GLIS3: variants seen among roughly 807,000 people sequenced by gnomAD.
The protein encoded by GLIS3 is GLIS family zinc finger 3, also known as zinc finger protein GLIS3.
In GLIS3, 53 loss-of-function variants were observed where a neutral mutation model predicts 78.6. That is an observed-to-expected ratio of 0.67 (90% confidence interval 0.54 to 0.85). The LOEUF is 0.85. Among genes scored for constraint, GLIS3 ranks in the 40% least tolerant of loss-of-function variants. GLIS3 has a pLI of 0.00. For synonymous variants in GLIS3, 684 were observed against 509.9 expected, an observed-to-expected ratio of 1.34 and a Z score of -4.60; for missense variants, 1,703 against 1,231.1, an observed-to-expected ratio of 1.38 and a Z score of -5.74.
At chr9:4,345,575 G>A (rs1184435560) in intron 2 of GLIS3, among the ~76,000 whole-genome samples, 1 of 152,152 alleles carries the variant, frequency 6.6e-6, no homozygotes, top group Non-Finnish European at 1.5e-5. Flanking sequence ...GGAAGAAACA[G>A]GTTCCATGTA....
At chr9:4,330,074 G>A (rs758884707) in intron 2 of GLIS3, among the ~76,000 whole-genome samples, 1 of 152,208 alleles carries the variant, frequency 6.6e-6, no homozygotes, top group Non-Finnish European at 1.5e-5. Context: ...CATCAGGAAT[G>A]CAAATACACA....
the GLIS3 span, among the ~76,000 whole-genome samples, chr9:4,416,256 A>T: frequency 6.9e-6 from 1 of 145,636 alleles, no homozygotes; most frequent in Non-Finnish European, 1.5e-5. Context: ...TGTTTTTAAA[A>T]AAAAAAAAAA....
At chr9:3,995,435 C>G (rs1820665012) in intron 4 of GLIS3, among the ~76,000 whole-genome samples, 2 of 151,980 alleles carry the variant, frequency 1.3e-5, no homozygotes, top group Admixed American at 1.3e-4. Context: ...CTAAAAACTA[C>G]TACCGTGAAT....
intron 2 of GLIS3, among the ~76,000 whole-genome samples, chr9:4,327,501 C>G (rs1175970233): frequency 6.6e-6 from 1 of 152,134 alleles, no homozygotes; most frequent in African/African-American, 2.4e-5. Context: ...GGAGACCAGA[C>G]AGATTCAAGT....
chr9:4,316,280 C>T (rs1817435809), intron 2 of GLIS3, among the ~76,000 whole-genome samples: 1 of 152,186 alleles, frequency 6.6e-6, no homozygotes, highest in African/African-American at 2.4e-5. Context: ...GCTCACATAA[C>T]CCCTTCACAG....
At chr9:3,879,321 A>G (rs1821561742) in intron 8 of GLIS3, 106 bp downstream of exon 8, 6 of 1,105,894 alleles carry the variant, frequency 5.4e-6, no homozygotes, top group Admixed American at 3.4e-5. Context: ...GGGTAACTCA[A>G]CCCACCAACG....
intron 4 of GLIS3, among the ~76,000 whole-genome samples, chr9:4,111,100 A>G (rs6476807): frequency 0.23 from 35,004 of 152,150 alleles, 4,157 homozygotes; most frequent in Admixed American, 0.29. Context: ...ATCTATATAC[A>G]AACAAATCTC....
chr9:4,255,438 C>T (rs1824833235), intron 2 of GLIS3, among the ~76,000 whole-genome samples: 1 of 152,150 alleles, frequency 6.6e-6, no homozygotes, highest in Admixed American at 6.5e-5. Context: ...CAACTTTATT[C>T]ACAGTTGGCA....
intron 7 of GLIS3, among the ~76,000 whole-genome samples, chr9:3,896,848 AT>A (rs1822880235): frequency 6.6e-6 from 1 of 152,086 alleles, no homozygotes; most frequent in Admixed American, 6.5e-5. Flanking sequence ...CAACTTAGGT[AT>A]CCTTGCCCCT....
At chr9:4,030,550 T>C (rs1271934366) in intron 4 of GLIS3, among the ~76,000 whole-genome samples, 7 of 152,204 alleles carry the variant, frequency 4.6e-5, no homozygotes, top group Non-Finnish European at 7.3e-5. Context: ...CCATGTTTTC[T>C]TGTAGTAGTT....
upstream of GLIS3, among the ~76,000 whole-genome samples, chr9:4,348,743 T>A (rs559478046): frequency 1.3e-5 from 2 of 152,080 alleles, no homozygotes; most frequent in South Asian, 4.2e-4. Context: ...TTTAGAGGAA[T>A]CTTATTCAAA....
chr9:4,331,754 G>C (rs371523737), intron 2 of GLIS3, among the ~76,000 whole-genome samples: 37 of 152,334 alleles, frequency 2.4e-4, no homozygotes, highest in African/African-American at 8.9e-4. Context: ...AATGTCTAAG[G>C]TGAGACCTGA....
intron 7 of GLIS3, among the ~76,000 whole-genome samples, chr9:3,880,821 C>A (rs963677912): frequency 1.3e-5 from 2 of 152,166 alleles, no homozygotes; most frequent in African/African-American, 2.4e-5. Flanking sequence ...TTACCATCTT[C>A]CCGCTCAAAA....
At chr9:4,458,870 A>T in the GLIS3 span, among the ~76,000 whole-genome samples, 1 of 152,168 alleles carries the variant, frequency 6.6e-6, no homozygotes, top group African/African-American at 2.4e-5. Flanking sequence ...AAAGACTCTA[A>T]AGTGGGAAAG....
At chr9:3,838,338 AAG>A (rs138041241) in intron 9 of GLIS3, among the ~76,000 whole-genome samples, 208 of 152,252 alleles carry the variant, frequency 1.4e-3, no homozygotes, top group African/African-American at 4.9e-3. Context: ...CCCAGTACTT[AAG>A]AGAGACCTAC....
chr9:4,428,149 G>C, the GLIS3 span, among the ~76,000 whole-genome samples: 1 of 151,962 alleles, frequency 6.6e-6, no homozygotes, highest in Non-Finnish European at 1.5e-5. Context: ...CTTAGGGAAA[G>C]GGAGCTACAT....
At chr9:4,256,159 A>C (rs1824917673) in intron 2 of GLIS3, among the ~76,000 whole-genome samples, 1 of 152,190 alleles carries the variant, frequency 6.6e-6, no homozygotes, top group African/African-American at 2.4e-5. Flanking sequence ...GAGCGACCCC[A>C]GGTAAAGCAC....
chr9:4,403,734 A>G, the GLIS3 span, among the ~76,000 whole-genome samples: 4 of 152,188 alleles, frequency 2.6e-5, no homozygotes, highest in Non-Finnish European at 5.9e-5. Flanking sequence ...AACACAAAAT[A>G]AAAAGCAAGA....
chr9:4,487,850 G>GATT, the GLIS3 span, among the ~76,000 whole-genome samples: 1 of 151,984 alleles, frequency 6.6e-6, no homozygotes, highest in African/African-American at 2.4e-5. Context: ...ATCATGGCCA[G>GATT]ATTATTATTA....
Sources: allele counts gnomAD v4.1 joint callset (sites outside exome capture counted in the v4.1 genomes callset), GRCh38; gene constraint gnomAD v4.1.1; transcripts MANE v1.5; gene names NCBI Gene and HGNC (gene_info 2026-07-23, HGNC 2026-07-21).